FRYL: variants seen among roughly 807,000 people sequenced by gnomAD.
FRYL encodes the protein protein furry homolog-like.
FRYL carries 150 observed loss-of-function variants against 351.2 expected under a neutral mutation model. The ratio of observed to expected loss-of-function variants is 0.43; its 90% confidence interval spans 0.37 to 0.49. The LOEUF (loss-of-function observed/expected upper bound fraction) is 0.49. Among genes scored for constraint, FRYL ranks in the 20% least tolerant of loss-of-function variants. FRYL has a pLI of 0.00. For synonymous variants in FRYL, 1,153 were observed against 1,257.1 expected (o/e 0.92, Z 1.75); for missense variants, 3,036 against 3,619.3 (o/e 0.84, Z 4.13).
intron 3 of FRYL, among the ~76,000 whole-genome samples, chr4:48,677,631 A>G (rs1763929210): frequency 6.6e-6 from 1 of 152,054 alleles, no homozygotes. Context: ...GACTGATCTC[A>G]AACTCCTGAC....
At chr4:48,687,401 C>A (rs1765241832) in intron 2 of FRYL, among the ~76,000 whole-genome samples, 1 of 150,262 alleles carries the variant, frequency 6.7e-6, no homozygotes, top group Admixed American at 6.8e-5. Flanking sequence ...TCACCTACAG[C>A]CAGAGTAATA....
Position 48,574,978 on chromosome 4 carries a change from G to C in FRYL, c.2846+139C>G, listed in dbSNP as rs1314454516. The C allele has an allele frequency of 2.1e-5, 12 of 584,986 alleles. 1 individual carries two copies. In the South Asian group the frequency reaches 3.7e-4, roughly 18 times the overall value. 36.2% of individuals were successfully genotyped at this position (584,986 alleles called of 1,614,324 possible). A position where few individuals can be genotyped will look rare whatever the true frequency, so the allele number is the denominator to read the frequency against. On this transcript the variant is annotated intron_variant, in intron 25 of 63. Coordinates refer to ENST00000358350, the MANE Select transcript of FRYL (RefSeq NM_015030.2). Reference sequence around the variant, plus strand: ...ATCCATGTTAAATGTTACATGGCTAGTTAATTGGTGAAAGTCAGGCCTGGT... The same window carrying C: ...ATCCATGTTAAATGTTACATGGCTACTTAATTGGTGAAAGTCAGGCCTGGT...
rs78656464 is a variant in FRYL at position 48,593,975 on chromosome 4, A to G, written c.1290T>C (p.Leu430=). 412 of 1,489,334 alleles carry G rather than the reference A, an allele frequency of 2.8e-4. No individual in the cohort carries two copies. In the African/African-American group the frequency reaches 5.6e-3, roughly 20 times the overall value. The allele number at this position is 1,489,334 out of a possible 1,614,324, so 92.3% of individuals were successfully genotyped here. Residue 430 remains leucine, a synonymous_variant, in exon 16 of 64, where the codon CTT becomes CTC. Coordinates refer to ENST00000358350, the MANE Select transcript of FRYL (RefSeq NM_015030.2). ...TTTTAGTAGATTTTCCAACACTGAG[A>G]AGATCAAATATTATTTCTTTCATTG... ...DFAMKEIIFD[L]LSVGKSTKTF...
In FRYL at chr4:48,704,931, A is replaced by G. The variant is rs539246653; in HGVS notation, c.-204+5588T>C. On this transcript the variant is annotated intron_variant, in intron 2 of 63. Coordinates refer to ENST00000358350, the MANE Select transcript of FRYL (RefSeq NM_015030.2). Reference sequence around the variant, plus strand: ...GCCACTGCACTCCAGCCTGGGCAACAAGAGCGAGACTCCGTCTCAAAAAAA... The same window carrying G: ...GCCACTGCACTCCAGCCTGGGCAACGAGAGCGAGACTCCGTCTCAAAAAAA... Among the ~76,000 whole-genome samples the G allele has an allele frequency of 2.7e-5, 4 of 146,374 alleles. No individual in the cohort carries two copies. In the South Asian group the frequency reaches 8.9e-4, roughly 33 times the overall value.
At chr4:48,722,597 A>C (rs1769611034) in intron 1 of FRYL, among the ~76,000 whole-genome samples, 1 of 152,230 alleles carries the variant, frequency 6.6e-6, no homozygotes, top group Non-Finnish European at 1.5e-5. Flanking sequence ...TATTGTTTTC[A>C]TAATTTCTTC....
chr4:48,590,938 G>C, intron 16 of FRYL, 108 bp from the exon 17 acceptor site: 18 of 730,000 alleles, frequency 2.5e-5, no homozygotes, highest in Non-Finnish European at 3.3e-5. Flanking sequence ...TGGAAGGAAG[G>C]AAGATAGAAG....
At position 48,620,793 on chromosome 4, in the gene FRYL, T is replaced by C. The variant is rs1330611443; in HGVS notation, c.175-15A>G. 3 of 1,604,316 alleles carry C rather than the reference T, an allele frequency of 1.9e-6. No homozygotes were observed. Among genetic ancestry groups the C allele is most frequent in the Non-Finnish European group, 2.6e-6 (3 of 1,173,024 alleles). The stretch of plus-strand genomic sequence containing the variant: ...GAGCTTATCAACTGAAAACACAAGA[T>C]ATTACCAGAAAATAAATTGTAACAC... On this transcript the variant is annotated splice_polypyrimidine_tract_variant and intron_variant, in intron 5 of 63. Coordinates refer to ENST00000358350, the MANE Select transcript of FRYL (RefSeq NM_015030.2).
intron 3 of FRYL, chr4:48,638,323 T>A (rs142101285): frequency 6.6e-6 from 1 of 152,160 alleles, no homozygotes; most frequent in Non-Finnish European, 1.5e-5. Context: ...AAAATTTTGA[T>A]GATTACCTAC....
At position 48,550,751 on chromosome 4, in the gene FRYL, T is replaced by A. The variant is rs763997916; in HGVS notation, c.4521-47A>T. ...TTAGTCACAGTTCACGGTGCAATGG[T>A]ATTTATACTTTATGTTTCACTTTCT... On this transcript the variant is annotated intron_variant, in intron 37 of 63. Coordinates refer to ENST00000358350, the MANE Select transcript of FRYL (RefSeq NM_015030.2). The A allele has an allele frequency of 6.5e-6, 8 of 1,239,620 alleles. No individual in the cohort carries two copies. The South Asian group carries it at 8.4e-5, about 13-fold the overall frequency. The allele number at this position is 1,239,620 out of a possible 1,614,324, so 76.8% of individuals were successfully genotyped here. A position where few individuals can be genotyped will look rare whatever the true frequency, so the allele number is the denominator to read the frequency against.
At chr4:48,522,875 C>A in intron 54 of FRYL, 26 bp downstream of exon 54, 2 of 1,560,344 alleles carry the variant, frequency 1.3e-6, no homozygotes, top group South Asian at 2.2e-5. Flanking sequence ...GACCAAATGT[C>A]ACTGTAAGAA....
At chr4:48,569,503 C>T (rs1255841040) in intron 27 of FRYL, among the ~76,000 whole-genome samples, 22 of 152,162 alleles carry the variant, frequency 1.4e-4, no homozygotes, top group Admixed American at 1.3e-3. Context: ...GACGGGGTTT[C>T]GCCATGTTGG....
At chr4:48,662,624 G>A (rs1760976203) in intron 3 of FRYL, among the ~76,000 whole-genome samples, 1 of 151,674 alleles carries the variant, frequency 6.6e-6, no homozygotes, top group African/African-American at 2.4e-5. Flanking sequence ...GATAGAGAAA[G>A]AATCTTAAAA....
At chr4:48,701,215 G>A (rs1342034840) in intron 2 of FRYL, among the ~76,000 whole-genome samples, 1 of 152,058 alleles carries the variant, frequency 6.6e-6, no homozygotes, top group African/African-American at 2.4e-5. Flanking sequence ...CTCTTTTATT[G>A]CATCAATATG....
chr4:48,662,704 T>C (rs1380354324), intron 3 of FRYL, among the ~76,000 whole-genome samples: 1 of 141,400 alleles, frequency 7.1e-6, no homozygotes, highest in African/African-American at 2.7e-5. Flanking sequence ...GGTGGGCAGA[T>C]CAATTGAGCC....
At chr4:48,777,881 G>C (rs1371987521) in intron 1 of FRYL, among the ~76,000 whole-genome samples, 1 of 152,122 alleles carries the variant, frequency 6.6e-6, no homozygotes, top group Non-Finnish European at 1.5e-5. Flanking sequence ...AACAATGCCA[G>C]ATACCATCAA....
At chr4:48,685,454 ACAC>A (rs1447591591) in intron 2 of FRYL, among the ~76,000 whole-genome samples, 1 of 152,220 alleles carries the variant, frequency 6.6e-6, no homozygotes, top group African/African-American at 2.4e-5. Flanking sequence ...TTAAACTAAT[ACAC>A]CACAACTTAA....
chr4:48,541,284 G>C (rs1730106081), intron 45 of FRYL, among the ~76,000 whole-genome samples: 1 of 152,154 alleles, frequency 6.6e-6, no homozygotes, highest in African/African-American at 2.4e-5. Flanking sequence ...CATTTGTCTT[G>C]TCCTCAAACT....
chr4:48,760,655 T>A (rs1774308040), intron 1 of FRYL, among the ~76,000 whole-genome samples: 2 of 152,058 alleles, frequency 1.3e-5, no homozygotes, highest in African/African-American at 4.8e-5. Context: ...TCAGTAAGTA[T>A]GATGTTAACT....
intron 15 of FRYL, among the ~76,000 whole-genome samples, chr4:48,595,194 T>C (rs1360344846): frequency 5.3e-5 from 8 of 152,238 alleles, no homozygotes; most frequent in African/African-American, 1.9e-4. Flanking sequence ...CTAGAATTCA[T>C]TTCTTCAGCC....
Sources: gnomAD v4.1 joint callset for allele counts (sites outside exome capture counted in the v4.1 genomes callset) on GRCh38, gnomAD v4.1.1 for gene constraint, MANE v1.5 for transcripts, NCBI Gene and HGNC (gene_info 2026-07-23, HGNC 2026-07-21) for gene names.